Variants in C8orf34 observed in about 807,000 individuals in gnomAD.
The protein encoded by C8orf34 is chromosome 8 open reading frame 34, also known as uncharacterized protein C8orf34.
In C8orf34, 65 loss-of-function variants were observed where a neutral mutation model predicts 68.3. That is an observed-to-expected ratio of 0.95 (90% CI 0.78 to 1.17). The LOEUF (loss-of-function observed/expected upper bound fraction) is 1.17, where lower values mean the gene tolerates loss of function less well. Among genes scored for constraint, C8orf34 ranks in the 50% most tolerant of loss-of-function variants. The pLI is 0.00. For synonymous variants in C8orf34, 244 were observed against 241.2 expected (o/e 1.01, Z -0.11); for missense variants, 664 against 655.4 (o/e 1.01, Z -0.14).
chr8:68,760,116 A>G (rs1014289950), intron 10 of C8orf34, among the ~76,000 whole-genome samples: 1 of 152,278 alleles, frequency 6.6e-6, no homozygotes, highest in African/African-American at 2.4e-5. Context: ...GTGGCTTGAT[A>G]GTGAAGGGAG....
chr8:68,586,255 A>G (rs1817207166), intron 7 of C8orf34, among the ~76,000 whole-genome samples: 1 of 152,184 alleles, frequency 6.6e-6, no homozygotes, highest in Non-Finnish European at 1.5e-5. Context: ...AATATTTCAA[A>G]GAAAATATGC....
rs74304968 is a variant in C8orf34, at chr8:68,595,374, A to C, written c.1106-45002A>C. Among the ~76,000 whole-genome samples the C allele has an allele frequency of 2.8e-4, 43 of 152,224 alleles. No individual in the cohort carries two copies. The East Asian group carries it at 8.3e-3, about 29-fold the overall frequency. The stretch of plus-strand genomic sequence containing the variant: ...TTCCCCTTGCATTAAGGCAGTGATG[A>C]ATAAAATTCTAGTTTGAAATATTTT... On this transcript the variant is annotated intron_variant, in intron 7 of 13. Coordinates refer to ENST00000518698, the MANE Select transcript of C8orf34 (RefSeq NM_052958.4).
chr8:68,498,863 G>T (rs1813643562), intron 5 of C8orf34, among the ~76,000 whole-genome samples: 1 of 152,176 alleles, frequency 6.6e-6, no homozygotes, highest in African/African-American at 2.4e-5. Flanking sequence ...AAGGAATCAA[G>T]TCTCCCTGGA....
At position 68,732,409 on chromosome 8, in the gene C8orf34, A is replaced by G. The variant is rs1321341234; in HGVS notation, c.1404+10972A>G. On this transcript the variant is annotated intron_variant, in intron 10 of 13. Coordinates refer to ENST00000518698, the MANE Select transcript of C8orf34 (RefSeq NM_052958.4). ...TTAATCACTAATAAATAATTTTTAC[A>G]TATATTTATTAGACTTTTTAATGAT... Among the ~76,000 whole-genome samples, 5 of 152,124 alleles carry G rather than the reference A, an allele frequency of 3.3e-5. 1 individual carries two copies. The highest frequency in any genetic ancestry group is 4.8e-5 in the African/African-American group (2 of 41,444).
chr8:68,754,048 A>G (rs775446541), intron 10 of C8orf34, among the ~76,000 whole-genome samples: 1 of 151,926 alleles, frequency 6.6e-6, no homozygotes, highest in Non-Finnish European at 1.5e-5. Context: ...GATGTCTAGC[A>G]TTTGGTTACC....
intron 10 of C8orf34, among the ~76,000 whole-genome samples, chr8:68,774,209 G>T (rs551156543): frequency 6.6e-6 from 1 of 152,020 alleles, no homozygotes; most frequent in South Asian, 2.1e-4. Flanking sequence ...GTTCTGTCAT[G>T]AAAGAGCCAA....
chr8:68,773,939 CAA>C (rs1288972778), intron 10 of C8orf34, among the ~76,000 whole-genome samples: 1 of 152,132 alleles, frequency 6.6e-6, no homozygotes, highest in Non-Finnish European at 1.5e-5. Context: ...CAGAAGACTG[CAA>C]ATGTCCAGAC....
chr8:68,355,757 G>C (rs1806720702), intron 1 of C8orf34, among the ~76,000 whole-genome samples: 1 of 152,156 alleles, frequency 6.6e-6, no homozygotes, highest in African/African-American at 2.4e-5. Flanking sequence ...AGCAGAGGAA[G>C]CCTAGCTTGC....
At chr8:68,410,747 A>G (rs1441321740) in intron 1 of C8orf34, among the ~76,000 whole-genome samples, 1 of 152,178 alleles carries the variant, frequency 6.6e-6, no homozygotes, top group Non-Finnish European at 1.5e-5. Context: ...GTTCAATACC[A>G]TTCCAGAAGA....
chr8:68,760,191 A>G, intron 10 of C8orf34, among the ~76,000 whole-genome samples: 1 of 152,188 alleles, frequency 6.6e-6, no homozygotes, highest in East Asian at 1.9e-4. Flanking sequence ...ACAGGTCAGC[A>G]CAGCTGGAGA....
chr8:68,473,523 T>C (rs2129630283), intron 4 of C8orf34, among the ~76,000 whole-genome samples: 1 of 152,310 alleles, frequency 6.6e-6, no homozygotes, highest in East Asian at 1.9e-4. Flanking sequence ...TTGCCACAAC[T>C]GCCAGCATTC....
intron 3 of C8orf34, among the ~76,000 whole-genome samples, chr8:68,449,249 T>G (rs1586162293): frequency 6.6e-6 from 1 of 152,148 alleles, no homozygotes. Context: ...CCAGTTACTA[T>G]GGTTTATAAC....
intron 5 of C8orf34, among the ~76,000 whole-genome samples, chr8:68,520,653 C>T (rs1285758066): frequency 2.7e-5 from 4 of 146,898 alleles, no homozygotes; most frequent in African/African-American, 7.5e-5. Flanking sequence ...TTAGTAGAGA[C>T]GGGGTTTCAC....
intron 7 of C8orf34, among the ~76,000 whole-genome samples, chr8:68,579,236 A>AT (rs1413035657): frequency 6.6e-6 from 1 of 152,100 alleles, no homozygotes; most frequent in African/African-American, 2.4e-5. Context: ...TTTCTAAAAG[A>AT]CCTTTATCAA....
At chr8:68,657,614 C>T (rs183242268) in intron 8 of C8orf34, among the ~76,000 whole-genome samples, 2 of 152,186 alleles carry the variant, frequency 1.3e-5, no homozygotes, top group African/African-American at 4.8e-5. Flanking sequence ...AAATGAAAAG[C>T]AATTGCTTCT....
intron 1 of C8orf34, among the ~76,000 whole-genome samples, chr8:68,401,822 C>T (rs954132982): frequency 7.3e-5 from 11 of 150,664 alleles, no homozygotes; most frequent in Non-Finnish European, 1.0e-4. Context: ...GGACTTTTTG[C>T]GTCTATGTTC....
intron 12 of C8orf34, chr8:68,792,246 G>A (rs967030157): frequency 2.2e-4 from 33 of 152,098 alleles, no homozygotes; most frequent in African/African-American, 8.0e-4. Context: ...AAGACAATCA[G>A]AAAGAGACCA....
intron 10 of C8orf34, among the ~76,000 whole-genome samples, chr8:68,756,019 A>G (rs1585835314): frequency 6.6e-6 from 1 of 151,580 alleles, no homozygotes; most frequent in East Asian, 1.9e-4. Flanking sequence ...GTGAGCCGAG[A>G]TTGCGCCACT....
At chr8:68,615,265 A>T (rs1305127286) in intron 7 of C8orf34, among the ~76,000 whole-genome samples, 16 of 149,684 alleles carry the variant, frequency 1.1e-4, no homozygotes, top group South Asian at 4.3e-4. Context: ...TCTTTTCCTA[A>T]TTGAATACCC....
Sources: gnomAD v4.1 joint callset for allele counts (sites outside exome capture counted in the v4.1 genomes callset) on GRCh38, gnomAD v4.1.1 for gene constraint, MANE v1.5 for transcripts, NCBI Gene and HGNC (gene_info 2026-07-23, HGNC 2026-07-21) for gene names.